The following P3H2 variants were observed in gnomAD, a reference collection of about 807,000 sequenced individuals.
The protein encoded by P3H2 is leprecan-like 1.
In P3H2, 80 loss-of-function variants were observed where a neutral mutation model predicts 87.0. The ratio of observed to expected loss-of-function variants is 0.92; its 90% CI spans 0.77 to 1.11. The LOEUF (loss-of-function observed/expected upper bound fraction) is 1.11. Ranked by LOEUF, P3H2 falls within the 50% of genes least tolerant of loss-of-function variation. P3H2 has a pLI of 0.00. For missense variants in P3H2, 1,001 were observed against 923.9 expected (o/e 1.08, Z -1.08); for synonymous variants, 367 against 359.3 (o/e 1.02, Z -0.24).
intron 1 of P3H2, among the ~76,000 whole-genome samples, chr3:190,099,008 C>G (rs1370031783): frequency 6.6e-6 from 1 of 151,948 alleles, no homozygotes; most frequent in African/African-American, 2.4e-5. Context: ...AATGCCATTG[C>G]TGTATTTTGC....
At chr3:190,058,219 T>C (rs538124988) in intron 1 of P3H2, among the ~76,000 whole-genome samples, 2 of 152,182 alleles carry the variant, frequency 1.3e-5, no homozygotes, top group Non-Finnish European at 2.9e-5. Flanking sequence ...AGTCCCTATC[T>C]GTCAACTGGC....
chr3:189,988,393 A>ATATG (rs1553873569), intron 4 of P3H2, among the ~76,000 whole-genome samples: 76 of 151,632 alleles, frequency 5.0e-4, no homozygotes, highest in African/African-American at 1.8e-3. Context: ...GTGTATATAT[A>ATATG]TGTGTGTGTG....
At chr3:190,046,282 T>A (rs2108958017) in intron 1 of P3H2, among the ~76,000 whole-genome samples, 1 of 152,328 alleles carries the variant, frequency 6.6e-6, no homozygotes, top group East Asian at 1.9e-4. Context: ...AATCCTGACT[T>A]ACACAAGATA....
At chr3:190,121,594 A>C (rs1321847555), upstream of P3H2, 1 of 152,282 alleles carries the variant, frequency 6.6e-6, no homozygotes, top group Non-Finnish European at 1.5e-5. Context: ...GCGCTGGGCC[A>C]GGGGAAGAAC....
In P3H2 at chr3:190,021,543, T is replaced by C. The variant is rs1038674374; in HGVS notation, c.481-26101A>G. Reference sequence around the variant, plus strand: ...AAAGTAACTTTCTCTTCTCTCCAAATATTTCATCCCTAAATTATGTAAACT... The same window carrying C: ...AAAGTAACTTTCTCTTCTCTCCAAACATTTCATCCCTAAATTATGTAAACT... On this transcript the variant is annotated intron_variant, in intron 1 of 14. Coordinates refer to ENST00000319332, the MANE Select transcript of P3H2 (RefSeq NM_018192.4). Among the ~76,000 whole-genome samples, 17 of 135,010 alleles carry C rather than the reference T, an allele frequency of 1.3e-4. 2 individuals carry two copies. Among genetic ancestry groups the C allele is most frequent in the African/African-American group, 3.6e-4 (14 of 39,076 alleles). The allele number at this position is 135,010 out of a possible 152,430, so 88.6% of individuals were successfully genotyped here.
intron 13 of P3H2, among the ~76,000 whole-genome samples, chr3:189,966,083 GAAGAAAGA>G (rs200110898): frequency 1.4e-4 from 16 of 116,694 alleles, no homozygotes; most frequent in African/African-American, 4.7e-4. Flanking sequence ...GGAAAGAAAG[GAAGAAAGA>G]AAGAAAGAAA....
intron 1 of P3H2, among the ~76,000 whole-genome samples, chr3:190,118,592 A>G (rs1712385142): frequency 6.6e-6 from 1 of 151,798 alleles, no homozygotes; most frequent in Admixed American, 6.6e-5. Context: ...CTTTCTCCTC[A>G]TTTCTTGCCC....
At chr3:190,059,320 G>A (rs983543706) in intron 1 of P3H2, among the ~76,000 whole-genome samples, 5 of 151,984 alleles carry the variant, frequency 3.3e-5, no homozygotes, top group African/African-American at 1.2e-4. Context: ...TATGTGTTTG[G>A]CAACTGTATT....
intron 1 of P3H2, among the ~76,000 whole-genome samples, chr3:190,016,252 T>A (rs1217500622): frequency 1.3e-5 from 2 of 152,192 alleles, no homozygotes; most frequent in East Asian, 3.9e-4. Context: ...TATTTATTTA[T>A]TTATTTTTGA....
intron 1 of P3H2, among the ~76,000 whole-genome samples, chr3:190,086,980 A>T (rs1273319237): frequency 2.2e-4 from 33 of 152,214 alleles, no homozygotes; most frequent in Admixed American, 2.2e-3. Flanking sequence ...GTGGAGCATA[A>T]GCTTTAACTT....
rs146392885 is a variant in P3H2 at position 190,049,781 on chromosome 3, C to T, written c.481-54339G>A. ...TATGGAGAAAATAGTTTCACGGAATCAAAGTTATCTGGTTCACCTCCTTTA... is the reference window on the plus strand; with the variant it reads ...TATGGAGAAAATAGTTTCACGGAATTAAAGTTATCTGGTTCACCTCCTTTA... On this transcript the variant is annotated intron_variant, in intron 1 of 14. Coordinates refer to ENST00000319332, the MANE Select transcript of P3H2 (RefSeq NM_018192.4). 2.0e-3 allele frequency among the ~76,000 whole-genome samples: 304 copies of T among 152,220 alleles called. 12 individuals are homozygous for T. In the East Asian group the frequency reaches 0.055, roughly 27 times the overall value.
At chr3:190,052,041 A>G (rs1192491248) in intron 1 of P3H2, among the ~76,000 whole-genome samples, 1 of 152,232 alleles carries the variant, frequency 6.6e-6, no homozygotes, top group Admixed American at 6.5e-5. Flanking sequence ...TCAAAAACAA[A>G]GAAAAAAGTG....
intron 1 of P3H2, among the ~76,000 whole-genome samples, chr3:190,066,442 T>C (rs113569243): frequency 1.3e-5 from 2 of 151,888 alleles, no homozygotes; most frequent in Non-Finnish European, 2.9e-5. Flanking sequence ...GCTATGAGGA[T>C]GCAAAGGCAT....
intron 1 of P3H2, among the ~76,000 whole-genome samples, chr3:190,062,889 T>C (rs1726377636): frequency 6.6e-6 from 1 of 152,082 alleles, no homozygotes; most frequent in Admixed American, 6.6e-5. Context: ...GGGAACAGAA[T>C]ACCAGAATGG....
intron 1 of P3H2, among the ~76,000 whole-genome samples, chr3:190,012,697 T>C (rs1044729805): frequency 1.3e-5 from 2 of 152,120 alleles, no homozygotes; most frequent in Non-Finnish European, 2.9e-5. Flanking sequence ...AACAACTAAA[T>C]CCCATATGAT....
intron 1 of P3H2, among the ~76,000 whole-genome samples, chr3:190,111,061 C>T (rs79742245): frequency 0.041 from 6,108 of 150,502 alleles, 251 homozygotes; most frequent in African/African-American, 0.12. Flanking sequence ...GGCTCCTATT[C>T]TTCTACTTCC....
intron 8 of P3H2, among the ~76,000 whole-genome samples, chr3:189,979,654 C>T (rs559837683): frequency 6.6e-6 from 1 of 152,078 alleles, no homozygotes; most frequent in South Asian, 2.1e-4. Context: ...TCATATCCAG[C>T]ACAACCTTTA....
chr3:190,045,767 G>A (rs1015051630), intron 1 of P3H2, among the ~76,000 whole-genome samples: 2 of 120,808 alleles, frequency 1.7e-5, no homozygotes, highest in Non-Finnish European at 3.6e-5. Context: ...AGATAATTTC[G>A]TCTTTCCTGA....
chr3:189,980,030 GT>G (rs1466687765), intron 8 of P3H2, among the ~76,000 whole-genome samples: 2 of 152,110 alleles, frequency 1.3e-5, no homozygotes, highest in Admixed American at 1.3e-4. Context: ...TGACAGCAAT[GT>G]TTTTTAGTGA....
Sources: allele counts gnomAD v4.1 joint callset (sites outside exome capture counted in the v4.1 genomes callset), GRCh38; gene constraint gnomAD v4.1.1; transcripts MANE v1.5; gene names NCBI Gene and HGNC (gene_info 2026-07-23, HGNC 2026-07-21).